The following ZNF292 variants were observed in gnomAD, a reference collection of about 807,000 sequenced individuals.
ZNF292 encodes the protein zinc finger protein 292, also known as 16 zinc-finger domain protein.
ZNF292 carries 26 observed loss-of-function variants against 217.9 expected under a neutral mutation model. That is an observed-to-expected ratio of 0.12 (90% CI 0.09 to 0.17). The LOEUF is 0.17. ZNF292 is among the 10% of genes least tolerant of loss of function. The probability of loss-of-function intolerance (pLI) is 1.00; values close to 1 mark genes in which losing one functional copy is unlikely to be tolerated. For synonymous variants in ZNF292, 1,257 were observed against 1,124.1 expected, an observed-to-expected ratio of 1.12 and a Z score of -2.37; for missense variants, 2,904 against 3,175.2, an observed-to-expected ratio of 0.91 and a Z score of 2.05.
chr6:87,200,927 C>T (rs1772082885), intron 1 of ZNF292, among the ~76,000 whole-genome samples: 1 of 152,164 alleles, frequency 6.6e-6, no homozygotes, highest in African/African-American at 2.4e-5. Context: ...ACTGAAATAA[C>T]TACTGCACTG....
chr6:87,181,283 G>A (rs1771466238), intron 1 of ZNF292, among the ~76,000 whole-genome samples: 2 of 152,140 alleles, frequency 1.3e-5, no homozygotes, highest in African/African-American at 4.8e-5. Flanking sequence ...AGATGGATGG[G>A]GAGCCAGAAG....
rs116282237 is a variant in ZNF292 at position 87,172,301 on chromosome 6, G to A, written c.168+16542G>A. 7.5e-3 allele frequency among the ~76,000 whole-genome samples: 1,140 copies of A among 152,112 alleles called. 22 individuals are homozygous for A. Among genetic ancestry groups the A allele is most frequent in the African/African-American group, 0.025 (1,032 of 41,480 alleles). ...AATCACATTTATCTTGCTTTCATCC[G>A]ACTACTCCTCCAAGACACACCAGAA... On this transcript the variant is annotated intron_variant, in intron 1 of 7. Coordinates refer to ENST00000369577, the MANE Select transcript of ZNF292 (RefSeq NM_015021.3).
chr6:87,155,567 G>C lies in ZNF292; in HGVS notation c.-25G>C, dbSNP rs369259867. Reference sequence around the variant, plus strand: ...TTGTGTTATCACGTGACCCAGGTGCGTACGCGACGGAGCGGGGTGTGAAGA... The same window carrying C: ...TTGTGTTATCACGTGACCCAGGTGCCTACGCGACGGAGCGGGGTGTGAAGA... On this transcript the variant is annotated 5_prime_UTR_variant, in exon 1 of 8. Transcript: ENST00000369577. 1.5e-5 allele frequency: 24 copies of C among 1,565,438 alleles called. No individual in the cohort carries two copies. The highest frequency in any genetic ancestry group is 3.9e-4 in the Middle Eastern group (2 of 5,106).
chr6:87,243,544 A>T lies in ZNF292; in HGVS notation c.811A>T (p.Ser271Cys), dbSNP rs1298765142. 3.2e-6 allele frequency: 5 copies of T among 1,560,158 alleles called. No homozygotes were observed. The highest frequency in any genetic ancestry group is 4.3e-6 in the Non-Finnish European group (5 of 1,150,900). The change falls in exon 6 of 8, where the codon AGC (serine) becomes TGC (cysteine). Residue 271 changes from serine to cysteine, a missense_variant. Ser to Cys is a moderately radical substitution (Grantham distance 112). Around this residue, in one of 15 missense-constraint regions of ZNF292, gnomAD observed 313 missense variants for 451.0 expected, o/e 0.69. Coordinates refer to ENST00000369577, the MANE Select transcript of ZNF292 (RefSeq NM_015021.3). ...CTTAGAATCTGAGGGTGATGAAAAA[A>T]GCGCTCTTGTTTTATGTACTGCGTT... ...CNLESEGDEKSALVLCTAFLS... is the reference protein window; with the variant it reads ...CNLESEGDEKCALVLCTAFLS...
intron 7 of ZNF292, among the ~76,000 whole-genome samples, 191 bp from the exon 8 acceptor site, chr6:87,254,459 T>C (rs1461146264): frequency 1.3e-5 from 2 of 152,246 alleles, no homozygotes; most frequent in Non-Finnish European, 2.9e-5. Context: ...AAACATTTTC[T>C]GCCCTTCTAT....
At chr6:87,178,388 T>G (rs1027720174) in intron 1 of ZNF292, among the ~76,000 whole-genome samples, 6 of 152,238 alleles carry the variant, frequency 3.9e-5, no homozygotes, top group African/African-American at 7.2e-5. Flanking sequence ...TGTTCTTTAC[T>G]GAAATTATGT....
At chr6:87,156,745 GTTAATA>G (rs1262576827) in intron 1 of ZNF292, among the ~76,000 whole-genome samples, 8 of 152,234 alleles carry the variant, frequency 5.3e-5, no homozygotes, top group Non-Finnish European at 1.2e-4. Flanking sequence ...AATTTGGAAT[GTTAATA>G]ACACTGTTTG....
chr6:87,181,936 G>A (rs1056118289), intron 1 of ZNF292, among the ~76,000 whole-genome samples: 3 of 151,924 alleles, frequency 2.0e-5, no homozygotes, highest in African/African-American at 7.3e-5. Context: ...CGCCCATCTC[G>A]GCCTCCCAAA....
chr6:87,163,621 A>G (rs1017621505), intron 1 of ZNF292, among the ~76,000 whole-genome samples: 12 of 152,206 alleles, frequency 7.9e-5, no homozygotes, highest in Non-Finnish European at 1.6e-4. Flanking sequence ...GCATGTATCA[A>G]TTGTTAAGTG....
intron 2 of ZNF292, 107 bp downstream of exon 2, chr6:87,216,164 A>T: frequency 7.7e-7 from 1 of 1,299,024 alleles, no homozygotes; most frequent in South Asian, 1.4e-5. Context: ...CACAACATTA[A>T]ATCTCAAGTC....
At chr6:87,238,911 T>C (rs1282167978) in intron 5 of ZNF292, among the ~76,000 whole-genome samples, 3 of 152,198 alleles carry the variant, frequency 2.0e-5, no homozygotes, top group African/African-American at 7.2e-5. Context: ...TTCAAGCATC[T>C]GTTTAACAAA....
chr6:87,181,649 C>T (rs1490805657), intron 1 of ZNF292, among the ~76,000 whole-genome samples: 1 of 151,976 alleles, frequency 6.6e-6, no homozygotes, highest in African/African-American at 2.4e-5. Context: ...GTATATGAAA[C>T]TTTGCCTGTT....
In ZNF292 at chr6:87,264,734, A is replaced by T. The variant is rs1775757423; in HGVS notation, c.*2933A>T. Among the ~76,000 whole-genome samples, 1 of 152,198 alleles carries T rather than the reference A, an allele frequency of 6.6e-6. No individual in the cohort carries two copies. The highest frequency in any genetic ancestry group is 2.1e-4 in the South Asian group (1 of 4,828). On this transcript the variant is annotated 3_prime_UTR_variant, in exon 8 of 8. Coordinates refer to ENST00000369577, the MANE Select transcript of ZNF292 (RefSeq NM_015021.3). ...GAAGAAGCAGATGGGTGGTGGGATC[A>T]GGAGTGTTCTTGTATGCTGTATTAA...
intron 7 of ZNF292, among the ~76,000 whole-genome samples, chr6:87,251,902 T>A (rs1774937479): frequency 6.6e-6 from 1 of 152,192 alleles, no homozygotes. Flanking sequence ...CCTTAATGAA[T>A]CAAAATGAAC....
At chr6:87,174,579 T>C (rs897170450) in intron 1 of ZNF292, among the ~76,000 whole-genome samples, 2 of 152,168 alleles carry the variant, frequency 1.3e-5, no homozygotes, top group Non-Finnish European at 2.9e-5. Context: ...TATTTCCTCT[T>C]TCTACTGCTT....
intron 1 of ZNF292, among the ~76,000 whole-genome samples, chr6:87,168,736 C>T (rs1004687040): frequency 6.6e-6 from 1 of 152,162 alleles, no homozygotes; most frequent in Non-Finnish European, 1.5e-5. Flanking sequence ...TCCCAAATTG[C>T]TGGGATTACA....
rs1333002273 is a variant in ZNF292 at position 87,258,161 on chromosome 6, A to C, written c.4532A>C (p.His1511Pro). 6.2e-7 allele frequency: 1 copy of C among 1,611,900 alleles called. No individual in the cohort carries two copies. The highest frequency in any genetic ancestry group is 8.5e-7 in the Non-Finnish European group (1 of 1,179,064). ...TTTGAGGGTGCCGAAATGCTTTCTC[A>C]TGTTTCAACAGGTTGTGTCTCTGAT... is the stretch of plus-strand genomic sequence containing the variant. Reference protein sequence around the residue: ...STFEGAEMLSHVSTGCVSDAS... With the variant: ...STFEGAEMLSPVSTGCVSDAS... Residue 1511 changes from histidine to proline, a missense_variant, in exon 8 of 8, where the codon CAT (histidine) becomes CCT (proline). By Grantham distance (77) the His-to-Pro change is moderately conservative. Transcript: ENST00000369577.
intron 4 of ZNF292, among the ~76,000 whole-genome samples, chr6:87,232,075 A>G (rs932151897): frequency 2.0e-4 from 31 of 152,128 alleles, no homozygotes; most frequent in African/African-American, 7.2e-4. Flanking sequence ...TGCTTTATTT[A>G]TCTGTGCTTA....
rs1031256002 is a variant in ZNF292 at position 87,198,129 on chromosome 6, A to G, written c.169-17774A>G. Among the ~76,000 whole-genome samples the G allele has an allele frequency of 4.5e-4, 68 of 152,274 alleles. 1 individual carries two copies. The highest frequency in any genetic ancestry group is 1.6e-3 in the African/African-American group (67 of 41,566). On this transcript the variant is annotated intron_variant, in intron 1 of 7. Transcript: ENST00000369577. ...GAGATCTGTGTAACAGATGACACCAATTAGCTTAAAATTTAAATCCTGACA... is the reference window on the plus strand; with the variant it reads ...GAGATCTGTGTAACAGATGACACCAGTTAGCTTAAAATTTAAATCCTGACA...
Sources: allele counts gnomAD v4.1 joint callset (sites outside exome capture counted in the v4.1 genomes callset), GRCh38; gene constraint gnomAD v4.1.1; regional missense constraint gnomAD v4.1.1; transcripts MANE v1.5; gene names NCBI Gene and HGNC (gene_info 2026-07-23, HGNC 2026-07-21).